MDFIC2: variants seen among roughly 807,000 people sequenced by gnomAD.
MDFIC2 encodes myoD family inhibitor domain-containing protein 2.
At chr3:70,238,378 G>A (rs956331960) in intron 2 of MDFIC2, among the ~76,000 whole-genome samples, 1 of 151,982 alleles carries the variant, frequency 6.6e-6, no homozygotes, top group Non-Finnish European at 1.5e-5. Flanking sequence ...GGAGGCTGAG[G>A]CAAGAGGATC....
intron 2 of MDFIC2, among the ~76,000 whole-genome samples, chr3:70,294,254 G>T (rs931914093): frequency 6.6e-6 from 1 of 152,130 alleles, no homozygotes; most frequent in Admixed American, 6.5e-5. Context: ...TTTTTGAATA[G>T]TGTTCTTTAT....
intron 2 of MDFIC2, among the ~76,000 whole-genome samples, chr3:70,300,509 A>G (rs185700966): frequency 6.6e-6 from 1 of 152,146 alleles, no homozygotes; most frequent in East Asian, 1.9e-4. Flanking sequence ...GTAGTTATAT[A>G]CATACATATA....
chr3:70,298,002 T>C (rs535510207), intron 2 of MDFIC2, among the ~76,000 whole-genome samples: 10 of 152,230 alleles, frequency 6.6e-5, no homozygotes, highest in African/African-American at 9.6e-5. Flanking sequence ...TTAAAAATTC[T>C]AAATATAACA....
At chr3:70,209,004 G>A (rs1701316708) in intron 2 of MDFIC2, among the ~76,000 whole-genome samples, 1 of 152,054 alleles carries the variant, frequency 6.6e-6, no homozygotes, top group Admixed American at 6.6e-5. Flanking sequence ...CTACAGATGA[G>A]AGAACACTAG....
At chr3:70,225,767 T>C (rs1214487444) in intron 2 of MDFIC2, among the ~76,000 whole-genome samples, 2 of 152,224 alleles carry the variant, frequency 1.3e-5, no homozygotes, top group East Asian at 3.8e-4. Context: ...AAGATTTATG[T>C]CTTTTAAAAA....
At chr3:70,290,865 C>T (rs985271364) in intron 2 of MDFIC2, among the ~76,000 whole-genome samples, 2 of 152,180 alleles carry the variant, frequency 1.3e-5, no homozygotes, top group African/African-American at 4.8e-5. Flanking sequence ...GGAAAGGGAA[C>T]TCGCTGACCC....
chr3:70,244,553 G>A (rs1157707888), intron 2 of MDFIC2, among the ~76,000 whole-genome samples: 2 of 152,154 alleles, frequency 1.3e-5, no homozygotes, highest in Non-Finnish European at 2.9e-5. Flanking sequence ...CAATATATGG[G>A]ATGTAAAAAG....
At chr3:70,252,311 G>C (rs930530347) in intron 2 of MDFIC2, among the ~76,000 whole-genome samples, 1 of 152,138 alleles carries the variant, frequency 6.6e-6, no homozygotes, top group Non-Finnish European at 1.5e-5. Flanking sequence ...TTGGTGTATG[G>C]TGTGGCGTAC....
chr3:70,266,825 A>C (rs1360141133), intron 2 of MDFIC2, among the ~76,000 whole-genome samples: 1 of 152,256 alleles, frequency 6.6e-6, no homozygotes. Context: ...ATATCAGTCC[A>C]GAAGGTACAC....
chr3:70,232,402 C>T (rs1256214831), intron 2 of MDFIC2, among the ~76,000 whole-genome samples: 2 of 141,234 alleles, frequency 1.4e-5, no homozygotes, highest in Non-Finnish European at 1.6e-5. Flanking sequence ...GATGATGTTC[C>T]TATTTTTTTT....
Position 70,279,703 on chromosome 3 carries a change from G to A in MDFIC2, c.88+32183C>T, listed in dbSNP as rs144401332. Among the ~76,000 whole-genome samples the A allele has an allele frequency of 1.4e-4, 21 of 152,248 alleles. 1 individual carries two copies. The East Asian group carries it at 3.9e-3, about 28-fold the overall frequency. On this transcript the variant is annotated intron_variant, in intron 2 of 3. Coordinates refer to ENST00000567252, the MANE Select transcript of MDFIC2 (RefSeq NM_001364677.1). The stretch of plus-strand genomic sequence containing the variant: ...ATTTACAGATGCAAACACACACCCT[G>A]GGGTGTGGAATCAGGCTTCCTGAGT...
At chr3:70,232,059 T>A (rs1230967886) in intron 2 of MDFIC2, among the ~76,000 whole-genome samples, 1 of 152,194 alleles carries the variant, frequency 6.6e-6, no homozygotes, top group Non-Finnish European at 1.5e-5. Context: ...CACTTTGTTA[T>A]TCTGACATAA....
intron 2 of MDFIC2, among the ~76,000 whole-genome samples, chr3:70,290,817 G>A (rs924031753): frequency 1.3e-5 from 2 of 152,190 alleles, no homozygotes; most frequent in African/African-American, 2.4e-5. Context: ...GGAGTGACCC[G>A]ATTTTCCAGG....
At chr3:70,285,562 G>C (rs1033968474) in intron 2 of MDFIC2, among the ~76,000 whole-genome samples, 1 of 151,560 alleles carries the variant, frequency 6.6e-6, no homozygotes, top group African/African-American at 2.4e-5. Flanking sequence ...TAGTCCTTTG[G>C]GTATATACCC....
chr3:70,307,651 G>A (rs115468603), intron 2 of MDFIC2, among the ~76,000 whole-genome samples: 11 of 151,896 alleles, frequency 7.2e-5, no homozygotes, highest in African/African-American at 1.9e-4. Flanking sequence ...TGTATTAGCC[G>A]TCACCACCCC....
intron 2 of MDFIC2, among the ~76,000 whole-genome samples, chr3:70,297,015 C>T (rs745974422): frequency 2.6e-5 from 4 of 151,914 alleles, no homozygotes; most frequent in South Asian, 2.1e-4. Flanking sequence ...ACCACACATA[C>T]GCACATACTA....
At chr3:70,255,211 A>G (rs1055515554) in intron 2 of MDFIC2, among the ~76,000 whole-genome samples, 1 of 152,250 alleles carries the variant, frequency 6.6e-6, no homozygotes, top group Non-Finnish European at 1.5e-5. Flanking sequence ...AAAACTTAAA[A>G]TATTAGTAAA....
In MDFIC2 at chr3:70,278,047, C is replaced by G. The variant is rs1199802467; in HGVS notation, c.88+33839G>C. On this transcript the variant is annotated intron_variant, in intron 2 of 3. Coordinates refer to ENST00000567252, the MANE Select transcript of MDFIC2 (RefSeq NM_001364677.1). ...CGTGTACACCTATCTAACCACCACC[C>G]CATCAAGATAAAAAACACTTCAGCA... Among the ~76,000 whole-genome samples, 6 of 152,258 alleles carry G rather than the reference C, an allele frequency of 3.9e-5. No homozygotes were observed. The South Asian group carries it at 8.3e-4, about 21-fold the overall frequency.
intron 2 of MDFIC2, chr3:70,272,140 G>T (rs1213426033): frequency 6.6e-6 from 1 of 152,048 alleles, no homozygotes; most frequent in African/African-American, 2.4e-5. Flanking sequence ...CATTTATTTT[G>T]TCCGAAGTAT....
Sources: allele counts gnomAD v4.1 joint callset (sites outside exome capture counted in the v4.1 genomes callset), GRCh38; gene constraint gnomAD v4.1.1; transcripts MANE v1.5; gene names NCBI Gene and HGNC (gene_info 2026-07-23, HGNC 2026-07-21).